The following VAC14 variants were observed in gnomAD, a reference collection of about 807,000 sequenced individuals.
The protein encoded by VAC14 is VAC14 component of PIKFYVE complex.
A neutral mutation model predicts 85.3 loss-of-function variants in VAC14; 47 were observed. That is an observed-to-expected ratio of 0.55 (90% confidence interval 0.44 to 0.70). VAC14 has a LOEUF of 0.70. Ranked by LOEUF, VAC14 falls within the 30% of genes least tolerant of loss-of-function variation. The pLI, the probability that VAC14 is intolerant of heterozygous loss-of-function variation, is 0.00. For missense variants in VAC14, 861 were observed against 1,004.3 expected, an observed-to-expected ratio of 0.86 and a Z score of 1.93; for synonymous variants, 447 against 430.5, an observed-to-expected ratio of 1.04 and a Z score of -0.47.
intron 18 of VAC14, chr16:70,691,941 C>G (rs1241431078): frequency 8.1e-6 from 8 of 985,208 alleles, no homozygotes; most frequent in Non-Finnish European, 9.6e-6. Context: ...TGCTGAGTGG[C>G]TCTAACAGCC....
intron 9 of VAC14, among the ~76,000 whole-genome samples, chr16:70,776,781 T>G (rs2033541088): frequency 6.6e-6 from 1 of 151,934 alleles, no homozygotes; most frequent in African/African-American, 2.4e-5. Flanking sequence ...TTTTAATAAT[T>G]TTTGCTTGTG....
intron 1 of VAC14, among the ~76,000 whole-genome samples, chr16:70,800,046 A>G (rs9931380): frequency 0.22 from 33,167 of 152,074 alleles, 4,151 homozygotes; most frequent in African/African-American, 0.35. Context: ...CTTCTTTCCA[A>G]TTTTCTGAAA....
At chr16:70,736,384 G>A (rs544311771) in intron 13 of VAC14, among the ~76,000 whole-genome samples, 36 of 152,274 alleles carry the variant, frequency 2.4e-4, no homozygotes, top group Admixed American at 1.8e-3. Context: ...ATGTCTGGGG[G>A]CTGGTCTGAA....
At position 70,689,097 on chromosome 16, in the gene VAC14, C is replaced by T. The variant is rs541275323; in HGVS notation, c.2187-1007G>A. 2.6e-5 allele frequency: 26 copies of T among 985,174 alleles called. No homozygotes were observed. In the South Asian group the frequency reaches 1.1e-3, roughly 43 times the overall value. 61.0% of individuals were successfully genotyped at this position (985,174 alleles called of 1,614,324 possible). On this transcript the variant is annotated intron_variant, in intron 18 of 18. Coordinates refer to ENST00000261776, the MANE Select transcript of VAC14 (RefSeq NM_018052.5). ...AAGGGGGGTGCAGGCACTGGCAGAGCACAGGATCTAGACAGACCTGGACCC... is the reference window on the plus strand; with the variant it reads ...AAGGGGGGTGCAGGCACTGGCAGAGTACAGGATCTAGACAGACCTGGACCC...
chr16:70,778,253 C>T (rs974679628), intron 9 of VAC14, among the ~76,000 whole-genome samples: 1 of 152,098 alleles, frequency 6.6e-6, no homozygotes, highest in Admixed American at 6.5e-5. Context: ...GCGTGGCAGG[C>T]GAGAATTCTA....
intron 13 of VAC14, among the ~76,000 whole-genome samples, chr16:70,736,631 C>T (rs1208769707): frequency 6.6e-6 from 1 of 152,176 alleles, no homozygotes; most frequent in Admixed American, 6.5e-5. Context: ...CTCTCAATGT[C>T]CAGGCTGCCC....
At chr16:70,774,070 C>T (rs969154618) in intron 9 of VAC14, among the ~76,000 whole-genome samples, 1 of 152,038 alleles carries the variant, frequency 6.6e-6, no homozygotes, top group Non-Finnish European at 1.5e-5. Context: ...CCACCATGCC[C>T]GGCTCCATAG....
chr16:70,691,792 T>C (rs969213891), intron 18 of VAC14: 1 of 985,364 alleles, frequency 1.0e-6, no homozygotes, highest in Non-Finnish European at 1.2e-6. Context: ...CGAGGGCCAG[T>C]CTGGGTGGGA....
Position 70,762,718 on chromosome 16 carries a change from C to T in VAC14, c.1306-113G>A. On this transcript the variant is annotated intron_variant, in intron 11 of 18. Coordinates refer to ENST00000261776, the MANE Select transcript of VAC14 (RefSeq NM_018052.5). This position sits in a 1 kb window ranked among gnomAD's most constrained non-coding sequence, Gnocchi z 4.1. The stretch of plus-strand genomic sequence containing the variant: ...CCCACTGGTCTGCACGGACCACTTC[C>T]CTCCCCGACACAATGAGGGCTCCTC... The T allele has an allele frequency of 6.7e-7, 1 of 1,485,886 alleles. No individual in the cohort carries two copies. Among genetic ancestry groups the T allele is most frequent in the East Asian group, 2.4e-5 (1 of 41,956 alleles). The allele number at this position is 1,485,886 out of a possible 1,614,324, so 92.0% of individuals were successfully genotyped here.
chr16:70,771,921 G>C, intron 10 of VAC14, 188 bp downstream of exon 10: 1 of 591,766 alleles, frequency 1.7e-6, no homozygotes, highest in Non-Finnish European at 3.0e-6. Context: ...CATCAAGCCT[G>C]GGTGGGGTGG....
intron 18 of VAC14, chr16:70,691,595 G>A (rs2053597227): frequency 1.0e-6 from 1 of 985,370 alleles, no homozygotes; most frequent in Admixed American, 6.1e-5. Context: ...CCACCTGGCA[G>A]CACCCTGAGC....
chr16:70,695,802 T>C (rs951110179), intron 16 of VAC14, 179 bp from the exon 17 acceptor site: 6 of 592,494 alleles, frequency 1.0e-5, no homozygotes, highest in South Asian at 2.0e-5. Context: ...CTGTCCTAAA[T>C]GGAACTCCCC....
At chr16:70,787,720 G>T (rs994591573) in intron 1 of VAC14, among the ~76,000 whole-genome samples, 1 of 152,164 alleles carries the variant, frequency 6.6e-6, no homozygotes, top group Non-Finnish European at 1.5e-5. Flanking sequence ...GGAAAGAAAC[G>T]GGCCTTCCTG....
At chr16:70,798,365 G>A (rs1567617686) in intron 1 of VAC14, among the ~76,000 whole-genome samples, 1 of 152,214 alleles carries the variant, frequency 6.6e-6, no homozygotes, top group Admixed American at 6.5e-5. Flanking sequence ...TCTGATTAAT[G>A]AGAGATTAAT....
chr16:70,767,135 A>G (rs1170325037), intron 10 of VAC14, among the ~76,000 whole-genome samples: 1 of 152,244 alleles, frequency 6.6e-6, no homozygotes, highest in Admixed American at 6.5e-5. Context: ...AGCATCTTAT[A>G]ATGAATGTCT....
intron 9 of VAC14, chr16:70,778,726 G>A: frequency 6.6e-6 from 1 of 152,180 alleles, no homozygotes; most frequent in East Asian, 1.9e-4. Flanking sequence ...TAAGTTCTAT[G>A]ATCTTAACTA....
chr16:70,781,487 G>A (rs2033807002), intron 8 of VAC14, among the ~76,000 whole-genome samples: 1 of 152,176 alleles, frequency 6.6e-6, no homozygotes, highest in Admixed American at 6.5e-5. Flanking sequence ...TCCGAACTGA[G>A]CCCCTGCTCT....
Position 70,786,311 on chromosome 16 carries a change from G to C in VAC14, c.159C>G (p.Ile53Met), listed in dbSNP as rs1181750716. The part of the protein sequence containing the change: ...QNNTVQIKHV[I>M]QTLSQEFALS... ...GGGCAAACTCCTGGGACAGGGTCTGGATCACATGCTTGATTTGCACGGTAT... is the reference window on the plus strand; with the variant it reads ...GGGCAAACTCCTGGGACAGGGTCTGCATCACATGCTTGATTTGCACGGTAT... Residue 53 changes from isoleucine (I) to methionine (M), a missense_variant, in exon 2 of 19, where the codon ATC (isoleucine) becomes ATG (methionine). Coordinates refer to ENST00000261776, the MANE Select transcript of VAC14 (RefSeq NM_018052.5). 1 of 1,614,116 alleles carries C rather than the reference G, an allele frequency of 6.2e-7. No homozygotes were observed. Among genetic ancestry groups the C allele is most frequent in the African/African-American group, 1.3e-5 (1 of 74,932 alleles).
intron 10 of VAC14, among the ~76,000 whole-genome samples, chr16:70,764,305 G>C (rs2032638716): frequency 6.6e-6 from 1 of 152,208 alleles, no homozygotes; most frequent in Admixed American, 6.5e-5. Flanking sequence ...CCGGGCATGT[G>C]ATACAGCCAC....
Sources: allele counts gnomAD v4.1 joint callset (sites outside exome capture counted in the v4.1 genomes callset), GRCh38; gene constraint gnomAD v4.1.1; non-coding constraint Gnocchi (gnomAD v3.1); transcripts MANE v1.5; gene names NCBI Gene and HGNC (gene_info 2026-07-23, HGNC 2026-07-21).